NFS1: variants seen among roughly 807,000 people sequenced by gnomAD.
NFS1 encodes NFS1 cysteine desulfurase.
In NFS1, 26 loss-of-function variants were observed where a neutral mutation model predicts 57.3. The ratio of observed to expected loss-of-function variants is 0.45; its 90% CI spans 0.33 to 0.63. The LOEUF is 0.63. NFS1 is among the 20% of genes least tolerant of loss of function. NFS1 has a pLI of 0.02. For synonymous variants in NFS1, 209 were observed against 216.3 expected, an observed-to-expected ratio of 0.97 and a Z score of 0.30; for missense variants, 505 against 605.8, an observed-to-expected ratio of 0.83 and a Z score of 1.75.
chr20:35,690,222 C>G (rs191728019), intron 5 of NFS1, among the ~76,000 whole-genome samples, 191 bp downstream of exon 5: 1 of 152,126 alleles, frequency 6.6e-6, no homozygotes, highest in African/African-American at 2.4e-5. Flanking sequence ...GAAACAAGTC[C>G]TCCAGAGAAA....
chr20:35,683,180 T>C (rs1034609745), intron 5 of NFS1, among the ~76,000 whole-genome samples: 2 of 151,580 alleles, frequency 1.3e-5, no homozygotes, highest in Non-Finnish European at 2.9e-5. Context: ...CAGTATGAAA[T>C]GACAAAATTA....
In NFS1 at chr20:35,672,863, G is replaced by T; in HGVS notation, c.1221-19C>A. Reference sequence around the variant, plus strand: ...TCCAAACCTGAAAAAAGGCACAGGAGAATGGCTCCCCATCAGAGCTCTGGC... The same window carrying T: ...TCCAAACCTGAAAAAAGGCACAGGATAATGGCTCCCCATCAGAGCTCTGGC... On this transcript the variant is annotated intron_variant, in intron 11 of 12. Coordinates refer to ENST00000374092, the MANE Select transcript of NFS1 (RefSeq NM_021100.5). 1 of 1,502,496 alleles carries T rather than the reference G, an allele frequency of 6.7e-7. No homozygotes were observed. The highest frequency in any genetic ancestry group is 2.3e-5 in the East Asian group (1 of 44,132). 93.1% of individuals were successfully genotyped at this position (1,502,496 alleles called of 1,614,324 possible).
At chr20:35,678,925 TA>T (rs1445369297) in intron 7 of NFS1, among the ~76,000 whole-genome samples, 1 of 152,190 alleles carries the variant, frequency 6.6e-6, no homozygotes, top group Non-Finnish European at 1.5e-5. Context: ...TTTCTCCATT[TA>T]AAAAAATTCA....
intron 10 of NFS1, 106 bp downstream of exon 10, chr20:35,674,244 A>C (rs1241562079): frequency 2.2e-6 from 2 of 919,176 alleles, no homozygotes; most frequent in Non-Finnish European, 3.6e-6. Context: ...CTTTACCCTT[A>C]ATCAAGAGGT....
At chr20:35,694,506 T>TA (rs2035098095) in intron 4 of NFS1, 2 of 152,302 alleles carry the variant, frequency 1.3e-5, no homozygotes, top group African/African-American at 4.8e-5. Context: ...TTAAACCATA[T>TA]AGGACAAAAT....
chr20:35,697,781 G>T lies in NFS1; in HGVS notation c.227C>A (p.Ala76Asp). The change falls in exon 3 of 13, where the codon GCC becomes GAC. Residue 76 changes from alanine (A) to aspartate (D), a missense_variant. By Grantham distance (126) the Ala-to-Asp change is moderately radical. Coordinates refer to ENST00000374092, the MANE Select transcript of NFS1 (RefSeq NM_021100.5). ...TTPLDPRVLD[A>D]MLPYLINYYG... is the part of the protein sequence containing the mutation. Reference sequence around the variant, plus strand: ...GTAGTTGATTAGGTAAGGGAGCATGGCATCAAGCACCCGGGGGTCCTGAAC... The same window carrying T: ...GTAGTTGATTAGGTAAGGGAGCATGTCATCAAGCACCCGGGGGTCCTGAAC... 6.2e-7 allele frequency: 1 copy of T among 1,612,942 alleles called. No individual in the cohort carries two copies. Among genetic ancestry groups the T allele is most frequent in the East Asian group, 2.2e-5 (1 of 44,850 alleles).
Position 35,698,532 on chromosome 20 carries a change from C to T in NFS1, c.156G>A (p.Val52=). 6.2e-7 allele frequency: 1 copy of T among 1,613,908 alleles called. No individual in the cohort carries two copies. Among genetic ancestry groups the T allele is most frequent in the East Asian group, 2.2e-5 (1 of 44,840 alleles). ...TATAGAGAGGTCGCAGCACTGGCCC[C>T]ACCTCCGGGGCAGCGGCTGTATCTG... ...VPADTAAAPE[V]GPVLRPLYMD... is the part of the protein sequence containing the mutation. Residue 52 remains valine (V), a synonymous_variant, in exon 2 of 13, where the codon GTG becomes GTA. Transcript: ENST00000374092.
At chr20:35,684,265 G>C (rs1251335612) in intron 5 of NFS1, among the ~76,000 whole-genome samples, 1 of 151,846 alleles carries the variant, frequency 6.6e-6, no homozygotes, top group East Asian at 1.9e-4. Flanking sequence ...TTAGCCAGGC[G>C]TGGTGGCGGG....
At chr20:35,671,296 T>C (rs1343690272) in intron 12 of NFS1, among the ~76,000 whole-genome samples, 3 of 151,978 alleles carry the variant, frequency 2.0e-5, no homozygotes, top group Non-Finnish European at 4.4e-5. Context: ...AGAGACGGGG[T>C]TTCATTGTGT....
chr20:35,696,333 A>T, intron 4 of NFS1, 44 bp downstream of exon 4: 1 of 1,297,910 alleles, frequency 7.7e-7, no homozygotes, highest in Non-Finnish European at 1.1e-6. Context: ...ACTATCTCCT[A>T]GGTCAGGAAA....
At chr20:35,674,850 A>G in intron 8 of NFS1, 195 bp downstream of exon 8, 1 of 730,362 alleles carries the variant, frequency 1.4e-6, no homozygotes, top group Non-Finnish European at 2.2e-6. Context: ...ATGAGCTGAT[A>G]ACTACTAAAA....
chr20:35,690,571 A>T lies in NFS1; in HGVS notation c.409-6T>A, dbSNP rs748508414. 7.4e-6 allele frequency: 12 copies of T among 1,613,706 alleles called. No individual in the cohort carries two copies. Among genetic ancestry groups the T allele is most frequent in the Non-Finnish European group, 1.0e-5 (12 of 1,179,812 alleles). Reference sequence around the variant, plus strand: ...CTGTAGAATCGGGCCACCCCCTAGAAATTGGTGGTGACAGATGGAAGGAGA... The same window carrying T: ...CTGTAGAATCGGGCCACCCCCTAGATATTGGTGGTGACAGATGGAAGGAGA... On this transcript the variant is annotated splice_region_variant and splice_polypyrimidine_tract_variant and intron_variant, in intron 4 of 12. Coordinates refer to ENST00000374092, the MANE Select transcript of NFS1 (RefSeq NM_021100.5).
chr20:35,689,201 C>T (rs1260072684), intron 5 of NFS1, among the ~76,000 whole-genome samples: 1 of 152,184 alleles, frequency 6.6e-6, no homozygotes, highest in Non-Finnish European at 1.5e-5. Flanking sequence ...GAAACATGTC[C>T]TCCAGGCCAG....
At chr20:35,675,721 A>G (rs974939397) in intron 7 of NFS1, 1 of 156,308 alleles carries the variant, frequency 6.4e-6, no homozygotes, top group African/African-American at 2.4e-5. Flanking sequence ...TACTAAAAAT[A>G]CAAAGATTAG....
At position 35,697,713 on chromosome 20, in the gene NFS1, T is replaced by A; in HGVS notation, c.295A>T (p.Ser99Cys). The A allele has an allele frequency of 6.2e-7, 1 of 1,613,548 alleles. No homozygotes were observed. Among genetic ancestry groups the A allele is most frequent in the Non-Finnish European group, 8.5e-7 (1 of 1,179,786 alleles). The change falls in exon 3 of 13, where the codon AGT (serine) becomes TGT (cysteine). Residue 99 changes from serine (S) to cysteine (C), a missense_variant. Transcript: ENST00000374092. ...HSRTHAYGWE[S>C]EAAMERARQQ... ...CGAGCACGTTCCATGGCTGCCTCAC[T>A]CTCCCAGCCATAAGCATGTGTCCGG...
chr20:35,668,238 G>A lies in NFS1; in HGVS notation c.*1384C>T, dbSNP rs1223701702. 2 of 152,060 alleles carry A rather than the reference G, an allele frequency of 1.3e-5. No individual in the cohort carries two copies. The highest frequency in any genetic ancestry group is 2.9e-5 in the Non-Finnish European group (2 of 68,016). The allele number at this position is 152,060 out of a possible 1,614,324, so 9.4% of individuals were successfully genotyped here. A position where few individuals can be genotyped will look rare whatever the true frequency, so the allele number is the denominator to read the frequency against. On this transcript the variant is annotated 3_prime_UTR_variant, in exon 13 of 13. Coordinates refer to ENST00000374092, the MANE Select transcript of NFS1 (RefSeq NM_021100.5). Reference sequence around the variant, plus strand: ...TACATTTACCAAACTTTAGCCCAGTGGCTTTCAAACTTTCCTGTCCCCCTG... The same window carrying A: ...TACATTTACCAAACTTTAGCCCAGTAGCTTTCAAACTTTCCTGTCCCCCTG...
intron 5 of NFS1, among the ~76,000 whole-genome samples, chr20:35,689,390 C>T (rs1411692073): frequency 2.6e-5 from 4 of 152,058 alleles, no homozygotes; most frequent in Admixed American, 2.6e-4. Flanking sequence ...TTTGGGAGGC[C>T]GAGGCAGGTG....
intron 4 of NFS1, among the ~76,000 whole-genome samples, chr20:35,694,375 T>A (rs975548814): frequency 6.6e-6 from 1 of 152,028 alleles, no homozygotes; most frequent in African/African-American, 2.4e-5. Context: ...GAACTCCTGA[T>A]CTCAGATGAT....
In NFS1 at chr20:35,697,675, T is replaced by G. The variant is rs770762730; in HGVS notation, c.324+9A>C. On this transcript the variant is annotated intron_variant, in intron 3 of 12. Transcript: ENST00000374092. ...GACCTTAGAACCTCCTAGACTCCTG[T>G]GTACTAACCTGACGAGCACGTTCCA... 6.1e-5 allele frequency: 97 copies of G among 1,598,302 alleles called. No individual in the cohort carries two copies. Among genetic ancestry groups the G allele is most frequent in the Non-Finnish European group, 7.6e-5 (89 of 1,169,120 alleles).
Sources: gnomAD v4.1 joint callset for allele counts (sites outside exome capture counted in the v4.1 genomes callset) on GRCh38, gnomAD v4.1.1 for gene constraint, MANE v1.5 for transcripts, NCBI Gene and HGNC (gene_info 2026-07-23, HGNC 2026-07-21) for gene names.